The following ENTPD1 variants were observed in gnomAD, a reference collection of about 807,000 sequenced individuals.
ENTPD1 encodes the protein ectonucleoside triphosphate diphosphohydrolase 1.
Under a neutral mutation model 57.0 loss-of-function variants are expected in ENTPD1, and 33 were observed. The observed-to-expected ratio is 0.58, with a 90% CI of 0.44 to 0.77. ENTPD1 has a LOEUF of 0.77. Among genes scored for constraint, ENTPD1 ranks in the 30% least tolerant of loss-of-function variants. ENTPD1 has a pLI of 0.00. For missense variants in ENTPD1, 501 were observed against 603.4 expected (o/e 0.83, Z 1.78); for synonymous variants, 202 against 218.8 (o/e 0.92, Z 0.68).
intron 1 of ENTPD1, among the ~76,000 whole-genome samples, chr10:95,759,220 T>C (rs887302372): frequency 6.6e-6 from 1 of 152,230 alleles, no homozygotes; most frequent in Non-Finnish European, 1.5e-5. Flanking sequence ...CTGGTACATA[T>C]AGATCTTTGG....
intron 6 of ENTPD1, 159 bp from the exon 7 acceptor site, chr10:95,847,287 C>T: frequency 2.5e-6 from 2 of 799,788 alleles, no homozygotes; most frequent in African/African-American, 1.7e-5. Flanking sequence ...ATCCATTTTT[C>T]ATATTTATTC....
chr10:95,805,631 G>A (rs1463021247), intron 1 of ENTPD1, among the ~76,000 whole-genome samples: 1 of 152,184 alleles, frequency 6.6e-6, no homozygotes, highest in Non-Finnish European at 1.5e-5. Flanking sequence ...GCTGGTACTG[G>A]TTGTTCCTTT....
intron 1 of ENTPD1, among the ~76,000 whole-genome samples, chr10:95,762,913 G>A (rs1029181025): frequency 1.3e-5 from 2 of 151,928 alleles, no homozygotes; most frequent in African/African-American, 4.8e-5. Flanking sequence ...CTTAATTACA[G>A]TAAATTTGAC....
intron 1 of ENTPD1, among the ~76,000 whole-genome samples, chr10:95,790,982 C>T (rs932208287): frequency 3.3e-5 from 5 of 152,140 alleles, no homozygotes; most frequent in African/African-American, 9.7e-5. Flanking sequence ...GCTAACAATA[C>T]GTAGCTTTTA....
At position 95,756,191 on chromosome 10, in the gene ENTPD1, T is replaced by TG. The variant is rs149930011; in HGVS notation, c.-40dup. On this transcript the variant is annotated 5_prime_UTR_variant, in exon 1 of 10. Transcript: ENST00000371205. Reference sequence around the variant, plus strand: ...GAGACGGACCACAGCAAGCAGAGGCTGGGGGGGGGAAAGACGAGGAAAGAG... The same window carrying TG: ...GAGACGGACCACAGCAAGCAGAGGCTGGGGGGGGGGAAAGACGAGGAAAGAG... 0.036 allele frequency: 52,689 copies of TG among 1,477,324 alleles called. 618 individuals are homozygous for TG. Among genetic ancestry groups the TG allele is most frequent in the Admixed American group, 0.089 (4,521 of 50,866 alleles). 91.5% of individuals were successfully genotyped at this position (1,477,324 alleles called of 1,614,324 possible). A position where few individuals can be genotyped will look rare whatever the true frequency, so the allele number is the denominator to read the frequency against.
chr10:95,707,115 C>T (rs2097962880), upstream of ENTPD1, among the ~76,000 whole-genome samples: 1 of 152,210 alleles, frequency 6.6e-6, no homozygotes, highest in African/African-American at 2.4e-5. Context: ...AGGGATCCCG[C>T]TTGTTCCCAA....
chr10:95,770,227 TTGAG>T (rs371086614), intron 1 of ENTPD1, among the ~76,000 whole-genome samples: 17,009 of 140,586 alleles, frequency 0.12, 1,095 homozygotes, highest in Middle Eastern at 0.2. Flanking sequence ...TCCAAGAAGA[TTGAG>T]AGAGAGAGAG....
chr10:95,825,443 T>C (rs1024114933), intron 2 of ENTPD1, among the ~76,000 whole-genome samples: 1 of 152,240 alleles, frequency 6.6e-6, no homozygotes, highest in Non-Finnish European at 1.5e-5. Context: ...GCTACTAAAC[T>C]GGTTTGAGTA....
chr10:95,778,893 T>C (rs2098144827), intron 1 of ENTPD1, among the ~76,000 whole-genome samples: 1 of 152,218 alleles, frequency 6.6e-6, no homozygotes, highest in African/African-American at 2.4e-5. Flanking sequence ...GTTAATATTA[T>C]TATCCTTGTT....
chr10:95,776,249 T>C (rs957093870), intron 1 of ENTPD1, among the ~76,000 whole-genome samples: 5 of 152,240 alleles, frequency 3.3e-5, no homozygotes, highest in African/African-American at 1.2e-4. Context: ...GTCTTTACGA[T>C]TTGGCATGTT....
chr10:95,723,710 TCTGG>T (rs1484103508), intron 1 of ENTPD1, among the ~76,000 whole-genome samples: 3 of 152,152 alleles, frequency 2.0e-5, no homozygotes, highest in African/African-American at 4.8e-5. Context: ...AGTAGAGACT[TCTGG>T]CTGTGCCATG....
At chr10:95,805,610 T>C (rs7070507) in intron 1 of ENTPD1, among the ~76,000 whole-genome samples, 11,123 of 152,198 alleles carry the variant, frequency 0.073, 447 homozygotes, top group African/African-American at 0.096. Flanking sequence ...ATTTGGCATG[T>C]TTTTGCAGTG....
intron 3 of ENTPD1, among the ~76,000 whole-genome samples, chr10:95,842,107 G>A (rs113075066): frequency 7.2e-5 from 11 of 152,168 alleles, no homozygotes; most frequent in African/African-American, 2.7e-4. Flanking sequence ...ATGAAATTGC[G>A]CCATCCAGTG....
At chr10:95,770,755 G>A (rs2098113250) in intron 1 of ENTPD1, among the ~76,000 whole-genome samples, 1 of 152,114 alleles carries the variant, frequency 6.6e-6, no homozygotes, top group African/African-American at 2.4e-5. Context: ...GAGGATTAGG[G>A]CTGGGGAGGA....
chr10:95,750,571 A>G (rs1195546568), intron 1 of ENTPD1, among the ~76,000 whole-genome samples: 1 of 105,180 alleles, frequency 9.5e-6, no homozygotes, highest in African/African-American at 3.5e-5. Context: ...CCATGAGCCA[A>G]TTACCTCTTT....
intron 2 of ENTPD1, among the ~76,000 whole-genome samples, chr10:95,837,237 G>C (rs921857129): frequency 2.6e-5 from 4 of 152,182 alleles, no homozygotes; most frequent in African/African-American, 9.7e-5. Context: ...GATAAATGCT[G>C]CTTGCTGCTT....
intron 1 of ENTPD1, among the ~76,000 whole-genome samples, chr10:95,804,142 C>T (rs559040483): frequency 9.2e-5 from 14 of 152,174 alleles, no homozygotes; most frequent in Non-Finnish European, 1.8e-4. Context: ...AGCGTGATGC[C>T]TCCAGCTTTG....
chr10:95,717,012 G>A (rs921906354), intron 1 of ENTPD1, among the ~76,000 whole-genome samples: 11 of 152,340 alleles, frequency 7.2e-5, no homozygotes, highest in Admixed American at 5.9e-4. Context: ...AAAGTGTTGG[G>A]CCCTTTGCCT....
intron 7 of ENTPD1, among the ~76,000 whole-genome samples, chr10:95,849,506 C>A (rs2098441235): frequency 1.3e-5 from 2 of 152,152 alleles, no homozygotes; most frequent in Non-Finnish European, 2.9e-5. Flanking sequence ...TGGCCCAAGA[C>A]AAAGCTCTAG....
Sources: gnomAD v4.1 joint callset for allele counts (sites outside exome capture counted in the v4.1 genomes callset) on GRCh38, gnomAD v4.1.1 for gene constraint, MANE v1.5 for transcripts, NCBI Gene and HGNC (gene_info 2026-07-23, HGNC 2026-07-21) for gene names.